The following RPL4 variants were observed in gnomAD, a reference collection of about 807,000 sequenced individuals.
The protein encoded by RPL4 is large ribosomal subunit protein uL4.
RPL4 carries 3 observed loss-of-function variants against 47.7 expected under a neutral mutation model. That is an observed-to-expected ratio of 0.06 (90% CI 0.03 to 0.16). The LOEUF (loss-of-function observed/expected upper bound fraction) is 0.16. RPL4 is among the 10% of genes least tolerant of loss of function. RPL4 has a pLI of 1.00. For synonymous variants in RPL4, 208 were observed against 182.1 expected, an observed-to-expected ratio of 1.14 and a Z score of -1.15; for missense variants, 413 against 551.3, an observed-to-expected ratio of 0.75 and a Z score of 2.51.
intron 4 of RPL4, 57 bp from the exon 5 acceptor site, chr15:66,501,969 A>AG: frequency 6.3e-7 from 1 of 1,580,388 alleles, no homozygotes; most frequent in Non-Finnish European, 8.6e-7. Context: ...AGAAAAAAAA[A>AG]AAATCAAACA....
intron 7 of RPL4, 28 bp from the exon 8 acceptor site, chr15:66,500,404 T>TG (rs751334834): frequency 1.5e-5 from 24 of 1,593,916 alleles, no homozygotes; most frequent in Non-Finnish European, 2.1e-5. Flanking sequence ...GACATGTACA[T>TG]GTAAAAGTAA....
Position 66,499,698 on chromosome 15 carries a change from G to T in RPL4, c.1039-46C>A, listed in dbSNP as rs371595981. ...AACAGTAAGAATCAAATCCCTGTAA[G>T]AACTTAATGTATCAGGAAGAGAAAA... is the stretch of plus-strand genomic sequence containing the variant. On this transcript the variant is annotated intron_variant, in intron 9 of 9. Transcript: ENST00000307961. 4.2e-5 allele frequency: 67 copies of T among 1,607,350 alleles called. No homozygotes were observed. The African/African-American group carries it at 8.7e-4, about 21-fold the overall frequency.
chr15:66,501,321 G>C, intron 6 of RPL4, 54 bp downstream of exon 6: 1 of 1,611,772 alleles, frequency 6.2e-7, no homozygotes, highest in Admixed American at 1.7e-5. Flanking sequence ...CATAACAAAA[G>C]CTGAGTAGAC....
chr15:66,504,735 C>T (rs1007171573), intron 1 of RPL4, 53 bp downstream of exon 1: 3 of 1,606,114 alleles, frequency 1.9e-6, no homozygotes, highest in African/African-American at 2.7e-5. Context: ...CCAAATCCTT[C>T]CTTACTGGCC....
intron 1 of RPL4, among the ~76,000 whole-genome samples, 176 bp downstream of exon 1, chr15:66,504,612 T>C (rs1208935514): frequency 6.6e-6 from 1 of 152,074 alleles, no homozygotes; most frequent in Non-Finnish European, 1.5e-5. Context: ...CCACGTTGCC[T>C]CTAAGATGGC....
intron 4 of RPL4, chr15:66,502,350 A>G (rs1385614003): frequency 8.9e-6 from 4 of 448,462 alleles, no homozygotes; most frequent in Admixed American, 8.1e-5. Context: ...CTGATACGAA[A>G]TATTTTTGAT....
At position 66,501,089 on chromosome 15, in the gene RPL4, A is replaced by G. The variant is rs375826056; in HGVS notation, c.693T>C (p.Asn231=). Residue 231 remains asparagine (N), a synonymous_variant, in exon 7 of 10, where the codon AAT becomes AAC. Transcript: ENST00000307961. ...GCTTCAAAATGTTCAGCTTGCTTAC[A>G]TTAAGCAGAGTAATTCCTTTTAAAG... is the stretch of plus-strand genomic sequence containing the variant. The part of the protein sequence containing the change: ...FRNIPGITLL[N]VSKLNILKLA... 3.2e-5 allele frequency: 51 copies of G among 1,613,828 alleles called. No homozygotes were observed. The highest frequency in any genetic ancestry group is 4.2e-5 in the Non-Finnish European group (50 of 1,180,000).
chr15:66,501,498 C>T lies in RPL4; in HGVS notation c.553G>A (p.Ala185Thr), dbSNP rs764877683. Residue 185 changes from alanine to threonine, a missense_variant, in exon 6 of 10, where the codon GCC (alanine) becomes ACC (threonine). By Grantham distance (58) the Ala-to-Thr change is moderately conservative. This residue lies in a region of RPL4 where 214 missense variants were observed against 304.2 expected (regional missense o/e 0.70). Coordinates refer to ENST00000307961, the MANE Select transcript of RPL4 (RefSeq NM_000968.4). ...KAWNDIKKVY[A>T]SQRMRAGKGK... Reference sequence around the variant, plus strand: ...TTGCCAGCTCTCATTCGCTGAGAGGCATAGACCTACAAAGTGAGCAGTTTT... The same window carrying T: ...TTGCCAGCTCTCATTCGCTGAGAGGTATAGACCTACAAAGTGAGCAGTTTT... The T allele has an allele frequency of 6.2e-7, 1 of 1,614,110 alleles. No individual in the cohort carries two copies. Among genetic ancestry groups the T allele is most frequent in the Non-Finnish European group, 8.5e-7 (1 of 1,180,050 alleles).
intron 3 of RPL4, 140 bp from the exon 4 acceptor site, chr15:66,502,890 G>A (rs190715892): frequency 1.0e-5 from 14 of 1,397,020 alleles, no homozygotes; most frequent in Admixed American, 1.7e-5. Flanking sequence ...AGAGTAAGAC[G>A]CAAATTACGA....
chr15:66,502,019 C>A, intron 4 of RPL4, 107 bp from the exon 5 acceptor site: 1 of 1,403,034 alleles, frequency 7.1e-7, no homozygotes, highest in Non-Finnish European at 1.0e-6. Context: ...ATTCCGTTTG[C>A]CAAGTCAGAA....
chr15:66,503,558 T>A (rs756744179), intron 1 of RPL4, 29 bp from the exon 2 acceptor site: 2 of 1,567,562 alleles, frequency 1.3e-6, no homozygotes, highest in East Asian at 4.5e-5. Context: ...ATTATTTTTA[T>A]TGACAAGTAA....
chr15:66,499,826 C>G (rs1470927145), intron 9 of RPL4, 174 bp from the exon 10 acceptor site: 3 of 963,574 alleles, frequency 3.1e-6, no homozygotes, highest in African/African-American at 3.3e-5. Flanking sequence ...GAGTTTGAGA[C>G]CAGCCTAACA....
chr15:66,501,019 T>C lies in RPL4; in HGVS notation c.763A>G (p.Ser255Gly). Residue 255 changes from serine (S) to glycine (G), a missense_variant, in exon 7 of 10, where the codon AGT becomes GGT. By Grantham distance (56) the Ser-to-Gly change is moderately conservative. This residue lies in a region of RPL4 where 214 missense variants were observed against 304.2 expected (regional missense o/e 0.70). Coordinates refer to ENST00000307961, the MANE Select transcript of RPL4 (RefSeq NM_000968.4). Reference protein sequence around the residue: ...HVGRFCIWTESAFRKLDELYG... With the variant: ...HVGRFCIWTEGAFRKLDELYG... ...AATTCATCTAACTTCCGGAAAGCAC[T>C]TTCAGTCCAAATGCAGAAACGTCCC... The C allele has an allele frequency of 6.2e-7, 1 of 1,614,004 alleles. No individual in the cohort carries two copies. Among genetic ancestry groups the C allele is most frequent in the Non-Finnish European group, 8.5e-7 (1 of 1,179,926 alleles).
rs1893532165 is a variant in RPL4, at chr15:66,498,796, T to C, written c.*611A>G. 6.6e-6 allele frequency: 1 copy of C among 152,478 alleles called. No homozygotes were observed. Among genetic ancestry groups the C allele is most frequent in the African/African-American group, 2.4e-5 (1 of 41,460 alleles). 9.4% of individuals were successfully genotyped at this position (152,478 alleles called of 1,614,324 possible). On this transcript the variant is annotated 3_prime_UTR_variant, in exon 10 of 10. Coordinates refer to ENST00000307961, the MANE Select transcript of RPL4 (RefSeq NM_000968.4). ...TCAGTAGAGACGAGATTTCATCATG[T>C]TGACCAGGCTGGTCTTGAACTCATT... is the stretch of plus-strand genomic sequence containing the variant.
intron 1 of RPL4, among the ~76,000 whole-genome samples, 174 bp from the exon 2 acceptor site, chr15:66,503,703 C>G (rs1470426102): frequency 6.6e-6 from 1 of 152,196 alleles, no homozygotes; most frequent in African/African-American, 2.4e-5. Flanking sequence ...ATCTCAACCT[C>G]TACTGCACAA....
rs1465548014 is a variant in RPL4, at chr15:66,498,947, A to T, written c.*460T>A. On this transcript the variant is annotated 3_prime_UTR_variant, in exon 10 of 10. Coordinates refer to ENST00000307961, the MANE Select transcript of RPL4 (RefSeq NM_000968.4). Reference sequence around the variant, plus strand: ...CTCAACTCTATTGTTATAGCTGGTTAAAAAGAACACTTCTCAAGAGGTAAT... The same window carrying T: ...CTCAACTCTATTGTTATAGCTGGTTTAAAAGAACACTTCTCAAGAGGTAAT... The T allele has an allele frequency of 1.2e-5, 2 of 162,602 alleles. No homozygotes were observed. Among genetic ancestry groups the T allele is most frequent in the African/African-American group, 4.8e-5 (2 of 41,500 alleles). 10.1% of individuals were successfully genotyped at this position (162,602 alleles called of 1,614,324 possible).
chr15:66,501,252 A>C (rs1893606619), intron 6 of RPL4, 123 bp downstream of exon 6: 6 of 1,565,918 alleles, frequency 3.8e-6, no homozygotes, highest in Non-Finnish European at 5.3e-6. Flanking sequence ...TTCAGCCATA[A>C]ATCAGAACTT....
intron 4 of RPL4, 199 bp from the exon 5 acceptor site, chr15:66,502,111 T>C (rs1040009249): frequency 5.1e-6 from 4 of 781,582 alleles, no homozygotes; most frequent in Admixed American, 1.7e-5. Flanking sequence ...AAAAATGCGA[T>C]GGGTACGCAA....
rs759761691 is a variant in RPL4 at position 66,499,410 on chromosome 15, T to C, written c.1281A>G (p.Ala427=). The change falls in exon 10 of 10, where the codon GCA becomes GCG. Residue 427 remains alanine, a synonymous_variant. Coordinates refer to ENST00000307961, the MANE Select transcript of RPL4 (RefSeq NM_000968.4). ...TGGAATAATCAAATTTAAGAGTTTA[T>C]GCAGCAGGCTTCTTCTCCTCTGTAG... is the stretch of plus-strand genomic sequence containing the variant. ...KPTTEEKKPA[A] is the part of the protein sequence containing the mutation. The C allele has an allele frequency of 1.2e-6, 2 of 1,602,772 alleles. No individual in the cohort carries two copies. The highest frequency in any genetic ancestry group is 1.7e-6 in the Non-Finnish European group (2 of 1,177,586).
Sources: allele counts gnomAD v4.1 joint callset (sites outside exome capture counted in the v4.1 genomes callset), GRCh38; gene constraint gnomAD v4.1.1; regional missense constraint gnomAD v4.1.1; transcripts MANE v1.5; gene names NCBI Gene and HGNC (gene_info 2026-07-23, HGNC 2026-07-21).